The following DLGAP1 variants were observed in gnomAD, a reference collection of about 807,000 sequenced individuals.
DLGAP1 encodes disks large-associated protein 1.
Under a neutral mutation model 90.8 loss-of-function variants are expected in DLGAP1, and 11 were observed. That is an observed-to-expected ratio of 0.12 (90% CI 0.08 to 0.20). The LOEUF (loss-of-function observed/expected upper bound fraction) is 0.20, where lower values mean the gene tolerates loss of function less well. Among genes scored for constraint, DLGAP1 ranks in the 10% least tolerant of loss-of-function variants. The probability of loss-of-function intolerance (pLI) is 1.00; values close to 1 mark genes in which losing one functional copy is unlikely to be tolerated. For missense variants in DLGAP1, 1,050 were observed against 1,333.8 expected, an observed-to-expected ratio of 0.79 and a Z score of 3.31; for synonymous variants, 558 against 540.7, an observed-to-expected ratio of 1.03 and a Z score of -0.44.
intron 7 of DLGAP1, among the ~76,000 whole-genome samples, chr18:3,650,017 A>G (rs1284699696): frequency 3.3e-5 from 5 of 152,068 alleles, no homozygotes; most frequent in Admixed American, 3.3e-4. Context: ...GAAACTCTCA[A>G]TGCTCCCAGA....
intron 5 of DLGAP1, among the ~76,000 whole-genome samples, chr18:3,791,643 T>C (rs189734006): frequency 1.3e-5 from 2 of 152,336 alleles, no homozygotes; most frequent in Admixed American, 6.5e-5. Context: ...ATGCAATACA[T>C]GGCATTATAC....
intron 1 of DLGAP1, among the ~76,000 whole-genome samples, chr18:4,447,017 T>C (rs1352727566): frequency 6.6e-6 from 1 of 152,204 alleles, no homozygotes; most frequent in Non-Finnish European, 1.5e-5. Context: ...AAAAATAAAA[T>C]GTATCACCAA....
chr18:4,452,900 C>T (rs905799729), intron 1 of DLGAP1, among the ~76,000 whole-genome samples: 1 of 152,074 alleles, frequency 6.6e-6, no homozygotes, highest in Non-Finnish European at 1.5e-5. Context: ...GAATGTTAAC[C>T]AGTTCCTTTT....
At chr18:4,026,741 T>C (rs2137) in intron 2 of DLGAP1, among the ~76,000 whole-genome samples, 37,260 of 152,146 alleles carry the variant, frequency 0.24, 4,881 homozygotes, top group South Asian at 0.41. Flanking sequence ...TGAAATAGTC[T>C]ATTCAGTGAA....
chr18:4,247,841 G>A (rs1363162451), intron 1 of DLGAP1, among the ~76,000 whole-genome samples: 1 of 152,124 alleles, frequency 6.6e-6, no homozygotes, highest in Non-Finnish European at 1.5e-5. Context: ...TTGCAGTCAA[G>A]AGGATTAAAT....
intron 9 of DLGAP1, among the ~76,000 whole-genome samples, chr18:3,562,536 TCCC>T (rs1428656650): frequency 7.0e-6 from 1 of 142,014 alleles, no homozygotes. Context: ...CCCTCTTCTC[TCCC>T]TTTTTTTTTT....
At chr18:4,265,498 TTTTC>T (rs547407276) in intron 1 of DLGAP1, among the ~76,000 whole-genome samples, 2,189 of 146,310 alleles carry the variant, frequency 0.015, 43 homozygotes, top group East Asian at 0.028. Context: ...TTCCTTTCCT[TTTTC>T]TTTGTTTCTT....
chr18:3,538,192 C>T (rs967272743), intron 9 of DLGAP1, among the ~76,000 whole-genome samples: 41 of 151,960 alleles, frequency 2.7e-4, no homozygotes, highest in Admixed American at 1.7e-3. Context: ...AAAAAAGTGG[C>T]TAAGGTATTG....
intron 4 of DLGAP1, among the ~76,000 whole-genome samples, chr18:3,828,501 G>A (rs1259440401): frequency 1.3e-5 from 2 of 151,888 alleles, no homozygotes; most frequent in East Asian, 3.9e-4. Context: ...TTAGTTGGGT[G>A]TGGAGGCATG....
chr18:3,931,922 G>A (rs868285149), intron 3 of DLGAP1, among the ~76,000 whole-genome samples: 5 of 152,240 alleles, frequency 3.3e-5, no homozygotes, highest in Middle Eastern at 3.4e-3. Context: ...TCCAGAGATT[G>A]CAAGGTTGAT....
chr18:4,171,221 G>A (rs1015296497), intron 1 of DLGAP1, among the ~76,000 whole-genome samples: 8 of 151,978 alleles, frequency 5.3e-5, no homozygotes, highest in African/African-American at 1.9e-4. Flanking sequence ...AAATGCATAA[G>A]GCCTCTTTAA....
rs73940358 is a variant in DLGAP1 at position 3,967,332 on chromosome 18, T to A, written c.-73+37784A>T. Among the ~76,000 whole-genome samples, 465 of 152,366 alleles carry A rather than the reference T, an allele frequency of 3.1e-3. 2 individuals carry two copies. Among genetic ancestry groups the A allele is most frequent in the African/African-American group, 0.011 (437 of 41,586 alleles). ...AGATTATGAACTGATGAGCTCACAG[T>A]GACTTTAACCTTTGCAGATATTTGT... On this transcript the variant is annotated intron_variant, in intron 3 of 12. Coordinates refer to ENST00000315677, the MANE Select transcript of DLGAP1 (RefSeq NM_004746.4).
At chr18:4,198,669 T>C (rs2077548465) in intron 1 of DLGAP1, among the ~76,000 whole-genome samples, 1 of 152,200 alleles carries the variant, frequency 6.6e-6, no homozygotes, top group Non-Finnish European at 1.5e-5. Flanking sequence ...CAAAATTTTA[T>C]CTTTAACATC....
chr18:3,874,781 T>C, intron 4 of DLGAP1: 5 of 1,400,618 alleles, frequency 3.6e-6, no homozygotes, highest in Non-Finnish European at 4.6e-6. Flanking sequence ...CATCTGATTC[T>C]TGACATTTAA....
intron 3 of DLGAP1, among the ~76,000 whole-genome samples, chr18:3,907,371 T>C (rs960202785): frequency 1.3e-5 from 2 of 152,228 alleles, no homozygotes; most frequent in African/African-American, 4.8e-5. Flanking sequence ...TGACTGGTGC[T>C]ACCAGAAGGT....
intron 2 of DLGAP1, among the ~76,000 whole-genome samples, chr18:4,046,144 A>C (rs1356543648): frequency 1.3e-5 from 2 of 152,192 alleles, no homozygotes; most frequent in Non-Finnish European, 2.9e-5. Flanking sequence ...AACAGAACTG[A>C]CCTGTAAGCT....
At chr18:3,704,955 G>A (rs1364920726) in intron 7 of DLGAP1, among the ~76,000 whole-genome samples, 3 of 152,158 alleles carry the variant, frequency 2.0e-5, no homozygotes, top group Non-Finnish European at 2.9e-5. Flanking sequence ...ATGAATACAT[G>A]CAAAAGCAAA....
chr18:3,983,879 A>C (rs1317002738), intron 3 of DLGAP1: 1 of 152,206 alleles, frequency 6.6e-6, no homozygotes, highest in African/African-American at 2.4e-5. Flanking sequence ...CAACACCCCT[A>C]TAATGACTGA....
At chr18:3,586,849 G>C (rs2055916573) in intron 7 of DLGAP1, among the ~76,000 whole-genome samples, 1 of 152,154 alleles carries the variant, frequency 6.6e-6, no homozygotes, top group Admixed American at 6.5e-5. Flanking sequence ...TCTACTCTCA[G>C]AATTCAGTGC....
Sources: gnomAD v4.1 joint callset for allele counts (sites outside exome capture counted in the v4.1 genomes callset) on GRCh38, gnomAD v4.1.1 for gene constraint, MANE v1.5 for transcripts, NCBI Gene and HGNC (gene_info 2026-07-23, HGNC 2026-07-21) for gene names.